MVB12B: variants seen among roughly 807,000 people sequenced by gnomAD.
MVB12B encodes the protein ESCRT-I complex subunit MVB12B.
Under a neutral mutation model 41.6 loss-of-function variants are expected in MVB12B, and 16 were observed. That is an observed-to-expected ratio of 0.38 (90% confidence interval 0.26 to 0.58). The LOEUF is 0.58. MVB12B is among the 20% of genes least tolerant of loss of function. MVB12B has a pLI of 0.62. For missense variants in MVB12B, 274 were observed against 380.2 expected, an observed-to-expected ratio of 0.72 and a Z score of 2.32; for synonymous variants, 133 against 139.7, an observed-to-expected ratio of 0.95 and a Z score of 0.34.
intron 2 of MVB12B, among the ~76,000 whole-genome samples, chr9:126,347,752 C>T (rs181029727): frequency 6.6e-6 from 1 of 152,336 alleles, no homozygotes; most frequent in African/African-American, 2.4e-5. Context: ...TTATGAAAAA[C>T]ATGTGAAGAT....
chr9:126,449,599 T>C (rs772379799), intron 7 of MVB12B, among the ~76,000 whole-genome samples: 2 of 152,202 alleles, frequency 1.3e-5, no homozygotes, highest in Non-Finnish European at 2.9e-5. Flanking sequence ...CCCAGAGGCA[T>C]AGGAATATTT....
chr9:126,479,741 C>G (rs906570458), intron 7 of MVB12B, among the ~76,000 whole-genome samples: 1 of 152,190 alleles, frequency 6.6e-6, no homozygotes, highest in South Asian at 2.1e-4. Context: ...GAGGAGGGCG[C>G]GGGGAATGCA....
chr9:126,456,145 C>G (rs917699525), intron 7 of MVB12B, among the ~76,000 whole-genome samples: 1 of 152,142 alleles, frequency 6.6e-6, no homozygotes, highest in Non-Finnish European at 1.5e-5. Context: ...CCCACCTTGG[C>G]CTTCCAAAGT....
chr9:126,346,452 C>G (rs746035078), intron 2 of MVB12B, among the ~76,000 whole-genome samples: 2 of 152,128 alleles, frequency 1.3e-5, no homozygotes, highest in Non-Finnish European at 2.9e-5. Flanking sequence ...CTGGGGTTCT[C>G]TGCTGGGACA....
chr9:126,338,888 A>G (rs1829361379), intron 1 of MVB12B, among the ~76,000 whole-genome samples: 1 of 152,222 alleles, frequency 6.6e-6, no homozygotes, highest in Admixed American at 6.5e-5. Context: ...CTTAGTGCCT[A>G]CTGTGTGCAG....
Position 126,503,432 on chromosome 9 carries a change from G to C in MVB12B, c.*169G>C. 1 of 613,844 alleles carries C rather than the reference G, an allele frequency of 1.6e-6. No homozygotes were observed. The highest frequency in any genetic ancestry group is 2.9e-6 in the Non-Finnish European group (1 of 348,334). The allele number at this position is 613,844 out of a possible 1,614,324, so 38.0% of individuals were successfully genotyped here. A position where few individuals can be genotyped will look rare whatever the true frequency, so the allele number is the denominator to read the frequency against. ...AGTGGGCGCATCCTGTCTTCAGCTG[G>C]CCTCACTGACACCCCGGCCTCCCTG... On this transcript the variant is annotated 3_prime_UTR_variant, in exon 10 of 10. Transcript: ENST00000361171.
intron 7 of MVB12B, among the ~76,000 whole-genome samples, chr9:126,447,758 C>G (rs1046899331): frequency 6.6e-6 from 1 of 152,162 alleles, no homozygotes; most frequent in African/African-American, 2.4e-5. Context: ...TTCAATTTGA[C>G]CAAACAATGG....
intron 8 of MVB12B, among the ~76,000 whole-genome samples, chr9:126,482,845 C>T (rs1833555828): frequency 6.6e-6 from 1 of 152,256 alleles, no homozygotes; most frequent in Admixed American, 6.5e-5. Flanking sequence ...CAGCCAGGCC[C>T]GGTGCCCTGC....
intron 6 of MVB12B, among the ~76,000 whole-genome samples, chr9:126,407,114 T>C (rs1305239922): frequency 6.6e-6 from 1 of 152,196 alleles, no homozygotes; most frequent in East Asian, 1.9e-4. Flanking sequence ...TGGTTTTGCT[T>C]GACCCCAGGG....
chr9:126,421,228 G>T (rs892321799), intron 6 of MVB12B, among the ~76,000 whole-genome samples: 3 of 152,264 alleles, frequency 2.0e-5, no homozygotes, highest in Non-Finnish European at 4.4e-5. Flanking sequence ...AGCCATCAAA[G>T]ACTGTGCTGT....
chr9:126,488,008 T>A (rs1445702389), intron 9 of MVB12B, among the ~76,000 whole-genome samples: 1 of 152,194 alleles, frequency 6.6e-6, no homozygotes, highest in Non-Finnish European at 1.5e-5. Context: ...GTCCACACAC[T>A]CTGGCCAACG....
chr9:126,498,984 C>G (rs1422599811), intron 9 of MVB12B, among the ~76,000 whole-genome samples: 1 of 152,222 alleles, frequency 6.6e-6, no homozygotes, highest in Non-Finnish European at 1.5e-5. Context: ...GTGGTTAAAG[C>G]CTTTGGTTCT....
rs761268796 is a variant in MVB12B at position 126,367,257 on chromosome 9, C to T, written c.205-13807C>T. 1.2e-4 allele frequency among the ~76,000 whole-genome samples: 19 copies of T among 152,158 alleles called. No individual in the cohort carries two copies. The highest frequency in any genetic ancestry group is 1.6e-4 in the Non-Finnish European group (11 of 68,022). On this transcript the variant is annotated intron_variant, in intron 2 of 9. Coordinates refer to ENST00000361171, the MANE Select transcript of MVB12B (RefSeq NM_033446.3). This position sits in a 1 kb window ranked among gnomAD's most constrained non-coding sequence, Gnocchi z 4.3. ...CCGGGGCTCTCCAGCCACGCTCCCC[C>T]TCTTGCTCCCTAGGATGGGGCAGGT... is the stretch of plus-strand genomic sequence containing the variant.
intron 7 of MVB12B, among the ~76,000 whole-genome samples, chr9:126,440,965 C>T (rs1029301669): frequency 1.3e-5 from 2 of 152,230 alleles, no homozygotes; most frequent in East Asian, 1.9e-4. Flanking sequence ...AATGGTGGTG[C>T]GGAATTGGTG....
At chr9:126,345,623 A>G (rs926085547) in intron 2 of MVB12B, among the ~76,000 whole-genome samples, 12 of 135,438 alleles carry the variant, frequency 8.9e-5, no homozygotes, top group African/African-American at 3.1e-4. Flanking sequence ...ATAACCACCT[A>G]TAGGATAAAA....
chr9:126,334,074 T>C (rs541585545), intron 1 of MVB12B, among the ~76,000 whole-genome samples: 1 of 152,278 alleles, frequency 6.6e-6, no homozygotes, highest in African/African-American at 2.4e-5. Flanking sequence ...CTTCTGGTGA[T>C]TTTTGCACAT....
intron 8 of MVB12B, among the ~76,000 whole-genome samples, chr9:126,483,225 G>A (rs1444299700): frequency 6.6e-6 from 1 of 152,170 alleles, no homozygotes; most frequent in African/African-American, 2.4e-5. Flanking sequence ...TGGACTGGAC[G>A]CCCTCTGCCC....
rs1588133510 is a variant in MVB12B, at chr9:126,391,298, C to T, written c.410-768C>T. On this transcript the variant is annotated intron_variant, in intron 4 of 9. Coordinates refer to ENST00000361171, the MANE Select transcript of MVB12B (RefSeq NM_033446.3). This position sits in a 1 kb window ranked among gnomAD's most constrained non-coding sequence, Gnocchi z 4.4. Reference sequence around the variant, plus strand: ...CCGATTTCTCCAACCTGTTAGTGCCCTGAAGAAAAGGGAACAGGAGTGGTT... The same window carrying T: ...CCGATTTCTCCAACCTGTTAGTGCCTTGAAGAAAAGGGAACAGGAGTGGTT... Among the ~76,000 whole-genome samples, 1 of 152,318 alleles carries T rather than the reference C, an allele frequency of 6.6e-6. No homozygotes were observed. Among genetic ancestry groups the T allele is most frequent in the African/African-American group, 2.4e-5 (1 of 41,578 alleles).
At chr9:126,423,101 A>G (rs1832072835) in intron 7 of MVB12B, among the ~76,000 whole-genome samples, 1 of 152,202 alleles carries the variant, frequency 6.6e-6, no homozygotes, top group Admixed American at 6.5e-5. Context: ...AAGATGACCT[A>G]TTTTGTAGAA....
Sources: allele counts gnomAD v4.1 joint callset (sites outside exome capture counted in the v4.1 genomes callset), GRCh38; gene constraint gnomAD v4.1.1; non-coding constraint Gnocchi (gnomAD v3.1); transcripts MANE v1.5; gene names NCBI Gene and HGNC (gene_info 2026-07-23, HGNC 2026-07-21).